The following CACNA1S variants were observed in gnomAD, a reference collection of about 807,000 sequenced individuals.
CACNA1S encodes voltage-dependent L-type calcium channel subunit alpha-1S.
A neutral mutation model predicts 207.4 loss-of-function variants in CACNA1S; 126 were observed. That is an observed-to-expected ratio of 0.61 (90% CI 0.53 to 0.70). The LOEUF (loss-of-function observed/expected upper bound fraction) is 0.70. CACNA1S is among the 30% of genes least tolerant of loss of function. The pLI, the probability that CACNA1S is intolerant of heterozygous loss-of-function variation, is 0.00. For missense variants in CACNA1S, 2,349 were observed against 2,422.8 expected (o/e 0.97, Z 0.64); for synonymous variants, 960 against 932.7 (o/e 1.03, Z -0.53).
rs201268263 is a variant in CACNA1S, at chr1:201,072,739, T to C, written c.2227+16A>G. On this transcript the variant is annotated intron_variant, in intron 16 of 43. Coordinates refer to ENST00000362061, the MANE Select transcript of CACNA1S (RefSeq NM_000069.3). ...ACCCCAGCACCCTGCTCCAGTCCAG[T>C]CTCCAGCATCCTCACCTGGGAAGTC... The C allele has an allele frequency of 1.2e-6, 2 of 1,606,560 alleles. No homozygotes were observed. Among genetic ancestry groups the C allele is most frequent in the East Asian group, 2.2e-5 (1 of 44,838 alleles).
At chr1:201,069,043 T>C in intron 19 of CACNA1S, 94 bp downstream of exon 19, 1 of 1,125,128 alleles carries the variant, frequency 8.9e-7, no homozygotes, top group South Asian at 1.3e-5. Context: ...CCACCTCTTT[T>C]CTGCTTCTCT....
intron 10 of CACNA1S, among the ~76,000 whole-genome samples, chr1:201,082,873 C>T (rs376063981): frequency 1.3e-5 from 2 of 152,156 alleles, no homozygotes; most frequent in South Asian, 2.1e-4. Context: ...GCCCGGACAC[C>T]TGGGCAAGCA....
At chr1:201,065,748 T>C in intron 22 of CACNA1S, 90 bp downstream of exon 22, 1 of 849,652 alleles carries the variant, frequency 1.2e-6, no homozygotes, top group East Asian at 2.5e-5. Flanking sequence ...CGAAGACATC[T>C]GTTTTCACAA....
At chr1:201,068,381 T>C (rs2102129110) in intron 19 of CACNA1S, among the ~76,000 whole-genome samples, 1 of 150,944 alleles carries the variant, frequency 6.6e-6, no homozygotes, top group South Asian at 2.1e-4. Context: ...TAGTTGGGAT[T>C]ACAGGTGCCT....
intron 33 of CACNA1S, 127 bp downstream of exon 33, chr1:201,050,857 G>A: frequency 9.7e-7 from 1 of 1,030,978 alleles, no homozygotes; most frequent in Non-Finnish European, 1.5e-6. Context: ...AACCTAACTA[G>A]AGCCTCCTGC....
chr1:201,062,547 G>C, intron 22 of CACNA1S, 33 bp from the exon 23 acceptor site: 1 of 1,591,394 alleles, frequency 6.3e-7, no homozygotes, highest in South Asian at 1.1e-5. Flanking sequence ...AGGGAGGGAG[G>C]CATGTTGTCA....
chr1:201,085,074 T>C (rs778713789), intron 8 of CACNA1S, 43 bp from the exon 9 acceptor site: 1 of 1,430,680 alleles, frequency 7.0e-7, no homozygotes, highest in African/African-American at 1.4e-5. Context: ...TCGGGGCCCC[T>C]CTGGGCTGGA....
intron 12 of CACNA1S, 93 bp from the exon 13 acceptor site, chr1:201,075,708 G>C: frequency 7.1e-7 from 1 of 1,406,990 alleles, no homozygotes; most frequent in Non-Finnish European, 1.0e-6. Flanking sequence ...CTCCAACTCT[G>C]TGGTTCTCTC....
intron 2 of CACNA1S, among the ~76,000 whole-genome samples, chr1:201,094,394 A>G (rs1024575975): frequency 1.3e-5 from 2 of 152,086 alleles, no homozygotes; most frequent in East Asian, 1.9e-4. Context: ...TTCATTATCT[A>G]TCTTCTCCAC....
rs1233259784 is a variant in CACNA1S, at chr1:201,073,647, G to A, written c.2064-5C>T. ...TCTGACTTGTCTGGGAGACCCCTGA[G>A]TTAGAAAACCCAAAGTGGAAGCCAA... On this transcript the variant is annotated splice_region_variant and splice_polypyrimidine_tract_variant and intron_variant, in intron 14 of 43. Coordinates refer to ENST00000362061, the MANE Select transcript of CACNA1S (RefSeq NM_000069.3). 2 of 1,612,752 alleles carry A rather than the reference G, an allele frequency of 1.2e-6. No homozygotes were observed. Among genetic ancestry groups the A allele is most frequent in the African/African-American group, 2.7e-5 (2 of 74,902 alleles).
intron 15 of CACNA1S, 118 bp from the exon 16 acceptor site, chr1:201,072,942 G>A: frequency 2.5e-6 from 2 of 815,762 alleles, no homozygotes; most frequent in East Asian, 5.0e-5. Flanking sequence ...TACAGCCTAA[G>A]GAACAGGGAA....
chr1:201,091,400 G>C (rs1358862230), intron 5 of CACNA1S, among the ~76,000 whole-genome samples: 2 of 151,718 alleles, frequency 1.3e-5, no homozygotes, highest in African/African-American at 2.4e-5. Context: ...TGTGGGGCAG[G>C]GGGGTGACGG....
At chr1:201,054,475 G>T (rs1424212984) in intron 29 of CACNA1S, 30 bp downstream of exon 29, 1 of 1,608,970 alleles carries the variant, frequency 6.2e-7, no homozygotes. Context: ...TGGTGAGCGT[G>T]CCAGGCAGGC....
intron 40 of CACNA1S, chr1:201,041,836 AT>A (rs1345926867): frequency 1.6e-5 from 9 of 565,164 alleles, no homozygotes; most frequent in Non-Finnish European, 2.9e-5. Context: ...CCCTTTCTAC[AT>A]TCTGTTCATC....
rs1396542342 is a variant in CACNA1S at position 201,110,181 on chromosome 1, A to C, written c.241T>G (p.Ser81Ala). ...AATCTTACCAGGCCGAGGTTCAGAG[A>C]GTTGTTGTCATCTTCCGGCATGGGC... ...YLPMPEDDNN[S>A]LNLGLEKLEY... Residue 81 changes from serine (S) to alanine (A), a missense_variant, in exon 2 of 44, where the codon TCT becomes GCT. Ser to Ala is a moderately conservative substitution (Grantham distance 99). Transcript: ENST00000362061. The C allele has an allele frequency of 2.5e-6, 4 of 1,613,982 alleles. No individual in the cohort carries two copies. The highest frequency in any genetic ancestry group is 3.4e-6 in the Non-Finnish European group (4 of 1,179,990).
At chr1:201,092,438 G>A (rs527278771) in intron 3 of CACNA1S, among the ~76,000 whole-genome samples, 3 of 152,228 alleles carry the variant, frequency 2.0e-5, no homozygotes, top group South Asian at 2.1e-4. Flanking sequence ...CCCCCAACAC[G>A]GGCTGGAGGT....
intron 7 of CACNA1S, 124 bp from the exon 8 acceptor site, chr1:201,085,705 G>A (rs1437938637): frequency 1.1e-5 from 12 of 1,123,630 alleles, no homozygotes; most frequent in Non-Finnish European, 1.3e-5. Flanking sequence ...TGGCCCCGGG[G>A]TGTTGCCTGG....
chr1:201,075,657 C>T (rs776945244), intron 12 of CACNA1S, 42 bp from the exon 13 acceptor site: 1 of 1,609,292 alleles, frequency 6.2e-7, no homozygotes, highest in South Asian at 1.1e-5. Flanking sequence ...CACAGAGGGG[C>T]CTGAGAGTCT....
At chr1:201,068,149 G>A (rs1434924565) in intron 19 of CACNA1S, among the ~76,000 whole-genome samples, 1 of 151,906 alleles carries the variant, frequency 6.6e-6, no homozygotes, top group Admixed American at 6.6e-5. Context: ...ACTTCTCTGG[G>A]GACTCTTGGA....
Sources: allele counts gnomAD v4.1 joint callset (sites outside exome capture counted in the v4.1 genomes callset), GRCh38; gene constraint gnomAD v4.1.1; transcripts MANE v1.5; gene names NCBI Gene and HGNC (gene_info 2026-07-23, HGNC 2026-07-21).